Variants in PALLD observed in about 807,000 individuals in gnomAD.
PALLD encodes the protein palladin, cytoskeletal associated protein, also known as palladin.
In PALLD, 61 loss-of-function variants were observed where a neutral mutation model predicts 123.5. The observed-to-expected ratio is 0.49, with a 90% CI of 0.40 to 0.61. The LOEUF is 0.61. PALLD is among the 20% of genes least tolerant of loss of function. PALLD has a pLI of 0.00. For missense variants in PALLD, 1,273 were observed against 1,377.0 expected, an observed-to-expected ratio of 0.92 and a Z score of 1.20; for synonymous variants, 465 against 496.4, an observed-to-expected ratio of 0.94 and a Z score of 0.84.
chr4:168,639,770 T>C (rs1776742317), intron 2 of PALLD, among the ~76,000 whole-genome samples: 1 of 152,260 alleles, frequency 6.6e-6, no homozygotes, highest in South Asian at 2.1e-4. Context: ...GGTCTCGATC[T>C]TCTGACCTCG....
chr4:168,750,869 C>T (rs187859718), intron 10 of PALLD, among the ~76,000 whole-genome samples: 46 of 152,188 alleles, frequency 3.0e-4, no homozygotes, highest in Non-Finnish European at 4.4e-4. Flanking sequence ...ATTGTACTTC[C>T]GGTTTACTTT....
chr4:168,730,269 T>G (rs1241188131), intron 10 of PALLD, among the ~76,000 whole-genome samples: 1 of 152,164 alleles, frequency 6.6e-6, no homozygotes, highest in Non-Finnish European at 1.5e-5. Flanking sequence ...GCTGAATCTG[T>G]TATTTCTGCT....
chr4:168,837,922 C>T (rs1045649262), intron 10 of PALLD, among the ~76,000 whole-genome samples: 3 of 152,136 alleles, frequency 2.0e-5, no homozygotes, highest in East Asian at 1.9e-4. Flanking sequence ...ACAGCTAGTG[C>T]CTCAGATACA....
At chr4:168,542,625 C>T (rs1005219364) in intron 2 of PALLD, among the ~76,000 whole-genome samples, 1 of 144,226 alleles carries the variant, frequency 6.9e-6, no homozygotes, top group Admixed American at 7.0e-5. Flanking sequence ...TTATGTAAAG[C>T]TATATGTAAG....
At chr4:168,641,572 G>A (rs1020591918) in intron 2 of PALLD, among the ~76,000 whole-genome samples, 4 of 152,112 alleles carry the variant, frequency 2.6e-5, no homozygotes, top group African/African-American at 2.4e-5. Context: ...CAGTTTTGCT[G>A]ACGCATTGAA....
At position 168,898,498 on chromosome 4, in the gene PALLD, C is replaced by CA. The variant is rs751704485; in HGVS notation, c.2259dup (p.Val754SerfsTer5). ...TTAAACTTTCCTTGATTCAGGAATA[C>CA]AAAGTCTCCAGCTGTGAACAGAGAC... On this transcript the variant is annotated frameshift_variant, in exon 14 of 22. Coordinates refer to ENST00000505667, the MANE Select transcript of PALLD (RefSeq NM_001166108.2). LOFTEE classifies it high-confidence loss of function. 1 of 1,608,566 alleles carries CA rather than the reference C, an allele frequency of 6.2e-7. No individual in the cohort carries two copies. The highest frequency in any genetic ancestry group is 8.5e-7 in the Non-Finnish European group (1 of 1,174,970).
chr4:168,557,055 T>C (rs886819846), intron 2 of PALLD, among the ~76,000 whole-genome samples: 1 of 124,300 alleles, frequency 8.0e-6, no homozygotes, highest in Non-Finnish European at 1.8e-5. Flanking sequence ...TTGTTTTGTT[T>C]TGTTTTGAGA....
In PALLD at chr4:168,689,686, G is replaced by A. The variant is rs142266361; in HGVS notation, c.1336-917G>A. 1.4e-4 allele frequency among the ~76,000 whole-genome samples: 22 copies of A among 151,758 alleles called. No individual in the cohort carries two copies. The East Asian group carries it at 3.3e-3, about 23-fold the overall frequency. On this transcript the variant is annotated intron_variant, in intron 6 of 21. Coordinates refer to ENST00000505667, the MANE Select transcript of PALLD (RefSeq NM_001166108.2). ...TGGTCTCGAACTGCTGACCCTAGGCGACCCACCCACCTTGGCCTCCCAAAG... is the reference window on the plus strand; with the variant it reads ...TGGTCTCGAACTGCTGACCCTAGGCAACCCACCCACCTTGGCCTCCCAAAG...
At chr4:168,903,181 T>C (rs1348925314) in intron 14 of PALLD, among the ~76,000 whole-genome samples, 1 of 152,218 alleles carries the variant, frequency 6.6e-6, no homozygotes, top group Non-Finnish European at 1.5e-5. Flanking sequence ...TTTGATCATA[T>C]GCTTCCTGGC....
chr4:168,668,626 G>A (rs981306009), intron 3 of PALLD, among the ~76,000 whole-genome samples: 3 of 152,094 alleles, frequency 2.0e-5, no homozygotes, highest in Admixed American at 2.0e-4. Flanking sequence ...AAAATGTAAG[G>A]TATCCAAATT....
At chr4:168,519,324 G>GTTAA (rs1763300972) in intron 2 of PALLD, among the ~76,000 whole-genome samples, 1 of 152,126 alleles carries the variant, frequency 6.6e-6, no homozygotes, top group Non-Finnish European at 1.5e-5. Context: ...TGACTTTCAT[G>GTTAA]TTAATCTACT....
In PALLD at chr4:168,553,974, A is replaced by G. The variant is rs535242940; in HGVS notation, c.908+41562A>G. Among the ~76,000 whole-genome samples the G allele has an allele frequency of 2.0e-5, 3 of 152,216 alleles. No homozygotes were observed. The East Asian group carries it at 5.8e-4, about 29-fold the overall frequency. The stretch of plus-strand genomic sequence containing the variant: ...ATTTGTGACAACGGCGATTTTAAAA[A>G]CTGTTCATTTACCACATCTTTCCCT... On this transcript the variant is annotated intron_variant, in intron 2 of 21. Transcript: ENST00000505667.
Position 168,895,271 on chromosome 4 carries a change from A to G in PALLD, c.2199+594A>G, listed in dbSNP as rs1338378418. Among the ~76,000 whole-genome samples the G allele has an allele frequency of 2.6e-5, 4 of 152,148 alleles. No homozygotes were observed. The South Asian group carries it at 8.3e-4, about 31-fold the overall frequency. Reference sequence around the variant, plus strand: ...GTGACGCACACCTGTAGTCCCAGCTACTCGGGAAGCTGAGGCAGGAGAATT... The same window carrying G: ...GTGACGCACACCTGTAGTCCCAGCTGCTCGGGAAGCTGAGGCAGGAGAATT... On this transcript the variant is annotated intron_variant, in intron 12 of 21. Coordinates refer to ENST00000505667, the MANE Select transcript of PALLD (RefSeq NM_001166108.2).
intron 10 of PALLD, among the ~76,000 whole-genome samples, chr4:168,812,818 A>G (rs546833493): frequency 6.6e-6 from 1 of 152,280 alleles, no homozygotes; most frequent in South Asian, 2.1e-4. Context: ...TTTTGCACTT[A>G]AACAAAGGTA....
intron 10 of PALLD, among the ~76,000 whole-genome samples, chr4:168,731,754 A>G (rs1787192349): frequency 6.6e-6 from 1 of 152,226 alleles, no homozygotes. Context: ...TCACTGACCA[A>G]TTAGAAGTTT....
intron 8 of PALLD, among the ~76,000 whole-genome samples, chr4:168,699,483 G>A (rs758272788): frequency 2.6e-5 from 4 of 151,484 alleles, no homozygotes; most frequent in African/African-American, 7.3e-5. Flanking sequence ...GCCAAACCAT[G>A]TGGTGTGAAA....
chr4:168,925,167 T>G (rs769007683), intron 20 of PALLD, 66 bp from the exon 21 acceptor site: 8 of 1,582,564 alleles, frequency 5.1e-6, no homozygotes, highest in African/African-American at 1.3e-5. Context: ...TTACTCTTTA[T>G]AAACAACTAT....
chr4:168,641,367 A>G (rs1776933869), intron 2 of PALLD, among the ~76,000 whole-genome samples: 2 of 152,040 alleles, frequency 1.3e-5, no homozygotes, highest in African/African-American at 4.8e-5. Context: ...CTCCTAAACT[A>G]TGCTGTCTAG....
intron 2 of PALLD, among the ~76,000 whole-genome samples, chr4:168,601,767 T>C (rs377315113): frequency 6.6e-6 from 1 of 152,164 alleles, no homozygotes; most frequent in African/African-American, 2.4e-5. Context: ...ATTCATTCCT[T>C]GCTGGAAAAG....
Sources: allele counts gnomAD v4.1 joint callset (sites outside exome capture counted in the v4.1 genomes callset), GRCh38; gene constraint gnomAD v4.1.1; transcripts MANE v1.5; gene names NCBI Gene and HGNC (gene_info 2026-07-23, HGNC 2026-07-21).